MYO3A: variants seen among roughly 807,000 people sequenced by gnomAD.
MYO3A encodes myosin IIIA.
MYO3A carries 180 observed loss-of-function variants against 192.7 expected under a neutral mutation model. The observed-to-expected ratio is 0.93, with a 90% confidence interval of 0.83 to 1.06. The LOEUF (loss-of-function observed/expected upper bound fraction) is 1.06. Among genes scored for constraint, MYO3A ranks in the 50% least tolerant of loss-of-function variants. The pLI, the probability that MYO3A is intolerant of heterozygous loss-of-function variation, is 0.00. For missense variants in MYO3A, 1,896 were observed against 1,905.0 expected (o/e 1.00, Z 0.09); for synonymous variants, 628 against 645.3 (o/e 0.97, Z 0.41).
chr10:26,096,398 A>C lies in MYO3A; in HGVS notation c.1580A>C (p.His527Pro), dbSNP rs769196672. The part of the protein sequence containing the change: ...IHQAIGEKNF[H>P]IFYYIYAGLA... ...TTTTCCAGTGGAGAAAAAAATTTTC[A>C]TATTTTTTACTACATTTATGCTGGT... is the stretch of plus-strand genomic sequence containing the variant. The change falls in exon 16 of 35, where the codon CAT (histidine) becomes CCT (proline). Residue 527 changes from histidine to proline, a missense_variant. Transcript: ENST00000642920. 6.2e-7 allele frequency: 1 copy of C among 1,612,102 alleles called. No homozygotes were observed. The highest frequency in any genetic ancestry group is 8.5e-7 in the Non-Finnish European group (1 of 1,179,294).
intron 2 of MYO3A, among the ~76,000 whole-genome samples, chr10:25,937,950 G>C (rs1251256706): frequency 1.3e-5 from 2 of 152,214 alleles, no homozygotes; most frequent in Non-Finnish European, 2.9e-5. Context: ...AATTAAGCTA[G>C]ACCAGATTTC....
At chr10:26,112,418 T>G (rs922780729) in intron 17 of MYO3A, among the ~76,000 whole-genome samples, 1 of 152,222 alleles carries the variant, frequency 6.6e-6, no homozygotes, top group African/African-American at 2.4e-5. Context: ...CAATATTGAT[T>G]TTTATGCTAT....
chr10:26,013,819 A>G (rs1043007452), intron 6 of MYO3A, among the ~76,000 whole-genome samples: 3 of 152,158 alleles, frequency 2.0e-5, no homozygotes, highest in African/African-American at 7.2e-5. Context: ...AGACACTTGT[A>G]CTTGTTTGTT....
intron 10 of MYO3A, among the ~76,000 whole-genome samples, chr10:26,035,910 A>G (rs1265459788): frequency 6.6e-6 from 1 of 152,082 alleles, no homozygotes; most frequent in African/African-American, 2.4e-5. Flanking sequence ...TTCAATGGTC[A>G]AGGAATCTTT....
intron 15 of MYO3A, among the ~76,000 whole-genome samples, chr10:26,090,501 A>G (rs1048714249): frequency 2.0e-5 from 3 of 152,222 alleles, no homozygotes; most frequent in Non-Finnish European, 2.9e-5. Flanking sequence ...CCAAATTCCA[A>G]ATTCACAATC....
chr10:25,948,791 T>A (rs79311374), intron 2 of MYO3A, among the ~76,000 whole-genome samples: 3,422 of 152,272 alleles, frequency 0.022, 54 homozygotes, highest in Middle Eastern at 0.044. Flanking sequence ...AGCAGTCATT[T>A]TAAATGGCTT....
rs141083547 is a variant in MYO3A at position 26,154,549 on chromosome 10, C to T, written c.2716-197C>T. Among the ~76,000 whole-genome samples, 107 of 152,292 alleles carry T rather than the reference C, an allele frequency of 7.0e-4. No individual in the cohort carries two copies. In the Middle Eastern group the frequency reaches 0.027, roughly 39 times the overall value. On this transcript the variant is annotated intron_variant, in intron 24 of 34. Transcript: ENST00000642920. ...TGTACTAGTGAAGATGAGAGATATTCACAGTCTACATAAGACCAATTAAAA... is the reference window on the plus strand; with the variant it reads ...TGTACTAGTGAAGATGAGAGATATTTACAGTCTACATAAGACCAATTAAAA...
intron 2 of MYO3A, among the ~76,000 whole-genome samples, chr10:25,944,624 C>T (rs1458772558): frequency 1.3e-5 from 2 of 151,872 alleles, no homozygotes; most frequent in African/African-American, 4.8e-5. Context: ...CATCATGATT[C>T]AGTCTTGGTG....
Position 26,173,702 on chromosome 10 carries a change from T to C in MYO3A, c.3438T>C (p.Ser1146=). 1 of 1,613,960 alleles carries C rather than the reference T, an allele frequency of 6.2e-7. No individual in the cohort carries two copies. The highest frequency in any genetic ancestry group is 1.7e-5 in the Admixed American group (1 of 60,018). Residue 1146 remains serine, a synonymous_variant, in exon 30 of 35, where the codon TCT becomes TCC. Coordinates refer to ENST00000642920, the MANE Select transcript of MYO3A (RefSeq NM_017433.5). ...AGAAACAAGCAGAAAATGCAATCTC[T>C]GCTAATGAAAGATTCATTTCAGCTC... The part of the protein sequence containing the change: ...FVKKQAENAI[S]ANERFISAPN...
intron 17 of MYO3A, among the ~76,000 whole-genome samples, chr10:26,119,325 C>T (rs989435403): frequency 2.6e-5 from 4 of 152,086 alleles, no homozygotes; most frequent in Admixed American, 2.6e-4. Flanking sequence ...TGTCTGCCTC[C>T]CCACGGCCTG....
intron 26 of MYO3A, 57 bp from the exon 27 acceptor site, chr10:26,166,010 G>A (rs1191934872): frequency 5.0e-6 from 7 of 1,393,720 alleles, no homozygotes; most frequent in Admixed American, 1.7e-5. Context: ...GAACCACCAA[G>A]CTACAGAGAT....
chr10:26,095,071 GT>G (rs1836933308), intron 15 of MYO3A, among the ~76,000 whole-genome samples: 1 of 152,296 alleles, frequency 6.6e-6, no homozygotes, highest in Admixed American at 6.5e-5. Context: ...TGCTCCGGAA[GT>G]TTGGGTGTGA....
At chr10:25,974,470 A>G (rs940032972) in intron 4 of MYO3A, among the ~76,000 whole-genome samples, 1 of 152,136 alleles carries the variant, frequency 6.6e-6, no homozygotes, top group East Asian at 1.9e-4. Context: ...AGTCAGAACC[A>G]CTGCGGAGAG....
intron 4 of MYO3A, 83 bp downstream of exon 4, chr10:25,955,091 G>A: frequency 2.0e-6 from 3 of 1,535,304 alleles, no homozygotes; most frequent in Non-Finnish European, 2.7e-6. Flanking sequence ...ATGTAACATT[G>A]ATATCATAAA....
At chr10:25,954,389 CTT>C (rs1795389236) in intron 3 of MYO3A, among the ~76,000 whole-genome samples, 1 of 151,982 alleles carries the variant, frequency 6.6e-6, no homozygotes, top group South Asian at 2.1e-4. Context: ...TCTTTTATAA[CTT>C]AACTCTATTT....
At chr10:26,131,757 T>A (rs182851871) in intron 20 of MYO3A, among the ~76,000 whole-genome samples, 91 of 152,310 alleles carry the variant, frequency 6.0e-4, no homozygotes, top group African/African-American at 1.9e-3. Flanking sequence ...GGGAGAATAA[T>A]TTTATGTATA....
In MYO3A at chr10:26,045,366, TTAGATAGATAGATAGA is replaced by T. The variant is rs3057671; in HGVS notation, c.953+18869_953+18884del. 5.9e-3 allele frequency among the ~76,000 whole-genome samples: 841 copies of T among 142,704 alleles called. 6 individuals are homozygous for T. The highest frequency in any genetic ancestry group is 0.016 in the African/African-American group (641 of 38,962). 93.6% of individuals were successfully genotyped at this position (142,704 alleles called of 152,430 possible). ...GTACCCCTAACTTGTATGGGTGGCA[TTAGATAGATAGATAGA>T]TAGATAGATAGATAGATAGATAGAT... On this transcript the variant is annotated intron_variant, in intron 10 of 34. Coordinates refer to ENST00000642920, the MANE Select transcript of MYO3A (RefSeq NM_017433.5).
intron 31 of MYO3A, among the ~76,000 whole-genome samples, chr10:26,179,503 G>T (rs919668712): frequency 2.0e-5 from 3 of 152,152 alleles, no homozygotes; most frequent in Non-Finnish European, 4.4e-5. Context: ...ACCATAAGAA[G>T]TTAACTCTTG....
At chr10:26,207,232 A>G (rs1048349337) in intron 34 of MYO3A, among the ~76,000 whole-genome samples, 2 of 151,912 alleles carry the variant, frequency 1.3e-5, no homozygotes, top group Admixed American at 6.6e-5. Context: ...ATGTAATCCC[A>G]TTTGTCTATT....
Sources: allele counts gnomAD v4.1 joint callset (sites outside exome capture counted in the v4.1 genomes callset), GRCh38; gene constraint gnomAD v4.1.1; transcripts MANE v1.5; gene names NCBI Gene and HGNC (gene_info 2026-07-23, HGNC 2026-07-21).